The following NKAIN3 variants were observed in gnomAD, a reference collection of about 807,000 sequenced individuals.
NKAIN3 encodes the protein sodium/potassium-transporting ATPase subunit beta-1-interacting protein 3.
In NKAIN3, 25 loss-of-function variants were observed where a neutral mutation model predicts 30.2. That is an observed-to-expected ratio of 0.83 (90% CI 0.60 to 1.16). The LOEUF is 1.16. Ranked by LOEUF, NKAIN3 falls within the 50% of genes most tolerant of loss-of-function variation. The probability of loss-of-function intolerance (pLI) is 0.00; values close to 1 mark genes in which losing one functional copy is unlikely to be tolerated. For missense variants in NKAIN3, 225 were observed against 254.1 expected, an observed-to-expected ratio of 0.89 and a Z score of 0.78; for synonymous variants, 91 against 89.6, an observed-to-expected ratio of 1.02 and a Z score of -0.09.
intron 4 of NKAIN3, chr8:62,856,973 A>T (rs867459345): frequency 1.9e-6 from 1 of 537,056 alleles, no homozygotes. Context: ...AAAAAAAAAC[A>T]AACTATCTCT....
chr8:62,665,827 G>A (rs1813081026), intron 3 of NKAIN3, among the ~76,000 whole-genome samples: 1 of 152,170 alleles, frequency 6.6e-6, no homozygotes, highest in Admixed American at 6.5e-5. Flanking sequence ...AGGGGAGGAG[G>A]ATAATGTTGG....
At chr8:62,680,005 C>T (rs931781146) in intron 3 of NKAIN3, among the ~76,000 whole-genome samples, 10 of 152,130 alleles carry the variant, frequency 6.6e-5, no homozygotes, top group African/African-American at 2.2e-4. Context: ...AGAATGTCTT[C>T]AGCTGGGAGG....
intron 1 of NKAIN3, among the ~76,000 whole-genome samples, chr8:62,412,966 C>T (rs1804307846): frequency 1.3e-5 from 2 of 149,520 alleles, no homozygotes; most frequent in African/African-American, 4.9e-5. Context: ...AAAATAACCT[C>T]ATGAAAACAT....
chr8:62,521,499 A>T (rs532855376), intron 1 of NKAIN3, among the ~76,000 whole-genome samples: 1 of 152,236 alleles, frequency 6.6e-6, no homozygotes, highest in Non-Finnish European at 1.5e-5. Flanking sequence ...TCAGAGGGGC[A>T]GACACATGTT....
chr8:62,506,452 C>A (rs550876852), intron 1 of NKAIN3, among the ~76,000 whole-genome samples: 2 of 122,958 alleles, frequency 1.6e-5, no homozygotes, highest in Admixed American at 8.2e-5. Context: ...TTTATTTTTT[C>A]TGCTTTTTCT....
intron 4 of NKAIN3, among the ~76,000 whole-genome samples, chr8:62,807,562 T>TG (rs1397122411): frequency 6.7e-6 from 1 of 149,462 alleles, no homozygotes; most frequent in Non-Finnish European, 1.5e-5. Flanking sequence ...TCTGGTTTTT[T>TG]TTTTTTTTTG....
chr8:62,411,592 A>G (rs1170242876), intron 1 of NKAIN3, among the ~76,000 whole-genome samples: 1 of 152,234 alleles, frequency 6.6e-6, no homozygotes, highest in African/African-American at 2.4e-5. Flanking sequence ...AGGCATCGAA[A>G]TAGGAAAAGA....
chr8:62,266,481 T>C (rs1251142809), intron 1 of NKAIN3, among the ~76,000 whole-genome samples: 1 of 152,174 alleles, frequency 6.6e-6, no homozygotes, highest in Non-Finnish European at 1.5e-5. Context: ...TAAATAGATA[T>C]TATCAAAATT....
At chr8:62,714,487 A>G (rs1048146172) in intron 3 of NKAIN3, among the ~76,000 whole-genome samples, 3 of 152,120 alleles carry the variant, frequency 2.0e-5, no homozygotes, top group Admixed American at 6.5e-5. Context: ...AAGCCAGAAA[A>G]TCTGCTAAAC....
At chr8:62,381,401 A>T (rs1236114315) in intron 1 of NKAIN3, among the ~76,000 whole-genome samples, 2 of 152,108 alleles carry the variant, frequency 1.3e-5, no homozygotes, top group South Asian at 2.1e-4. Context: ...TTATAAAGGG[A>T]TGCCCTTTAC....
At chr8:62,921,563 A>G (rs1403722827) in intron 5 of NKAIN3, among the ~76,000 whole-genome samples, 1 of 152,204 alleles carries the variant, frequency 6.6e-6, no homozygotes, top group East Asian at 1.9e-4. Context: ...ATTTCTTATA[A>G]AGATTATGAT....
chr8:62,397,051 T>C (rs1417365068), intron 1 of NKAIN3, among the ~76,000 whole-genome samples: 1 of 152,194 alleles, frequency 6.6e-6, no homozygotes, highest in Non-Finnish European at 1.5e-5. Flanking sequence ...TGGGGTGTTC[T>C]AGAAGAATCA....
At chr8:62,851,428 C>G (rs187578689) in intron 4 of NKAIN3, among the ~76,000 whole-genome samples, 1,625 of 152,238 alleles carry the variant, frequency 0.011, 28 homozygotes, top group African/African-American at 0.038. Context: ...TTCCTCTTTT[C>G]CTAATTGAAT....
At chr8:62,369,218 T>A (rs1420655988) in intron 1 of NKAIN3, among the ~76,000 whole-genome samples, 1 of 152,012 alleles carries the variant, frequency 6.6e-6, no homozygotes, top group African/African-American at 2.4e-5. Flanking sequence ...AAGTTTTTTC[T>A]GTTGTTTTTG....
chr8:62,376,651 C>T (rs1383701783), intron 1 of NKAIN3, among the ~76,000 whole-genome samples: 1 of 152,066 alleles, frequency 6.6e-6, no homozygotes, highest in Non-Finnish European at 1.5e-5. Context: ...CTCAAGTTTC[C>T]TAATATAAAG....
chr8:62,707,588 C>A (rs917817321), intron 3 of NKAIN3, among the ~76,000 whole-genome samples: 4 of 151,742 alleles, frequency 2.6e-5, no homozygotes, highest in Non-Finnish European at 5.9e-5. Context: ...TTTTTTCTTA[C>A]TGATTTGTTT....
At chr8:62,954,687 T>C (rs1312984524) in intron 6 of NKAIN3, among the ~76,000 whole-genome samples, 1 of 152,178 alleles carries the variant, frequency 6.6e-6, no homozygotes, top group East Asian at 1.9e-4. Flanking sequence ...GTAGCACATA[T>C]AAAACTGTAT....
At chr8:62,704,822 T>C (rs7009410) in intron 3 of NKAIN3, among the ~76,000 whole-genome samples, 5,022 of 151,098 alleles carry the variant, frequency 0.033, 293 homozygotes, top group African/African-American at 0.12. Context: ...CTTTTCTTTC[T>C]TGATAGTGTT....
intron 3 of NKAIN3, among the ~76,000 whole-genome samples, chr8:62,592,130 G>A (rs941917103): frequency 1.3e-5 from 2 of 151,972 alleles, no homozygotes; most frequent in African/African-American, 4.8e-5. Flanking sequence ...ACCTCTCTGT[G>A]GATTGGGGTG....
Sources: gnomAD v4.1 joint callset for allele counts (sites outside exome capture counted in the v4.1 genomes callset) on GRCh38, gnomAD v4.1.1 for gene constraint, MANE v1.5 for transcripts, NCBI Gene and HGNC (gene_info 2026-07-23, HGNC 2026-07-21) for gene names.